Variants in ACSS1 observed in about 807,000 individuals in gnomAD.
ACSS1 encodes the protein acyl-CoA synthetase short chain family member 1.
ACSS1 carries 42 observed loss-of-function variants against 75.3 expected under a neutral mutation model. The observed-to-expected ratio is 0.56, with a 90% confidence interval of 0.44 to 0.72. The LOEUF is 0.72. ACSS1 is among the 30% of genes least tolerant of loss of function. The pLI, the probability that ACSS1 is intolerant of heterozygous loss-of-function variation, is 0.00. For missense variants in ACSS1, 782 were observed against 935.7 expected (o/e 0.84, Z 2.14); for synonymous variants, 380 against 376.8 (o/e 1.01, Z -0.10).
At chr20:25,011,336 C>T (rs1308173009) in intron 12 of ACSS1, 1 of 152,372 alleles carries the variant, frequency 6.6e-6, no homozygotes, top group Non-Finnish European at 1.5e-5. Flanking sequence ...GCTGAATCCC[C>T]AGACACAGTG....
At chr20:25,055,780 C>T (rs925566421) in intron 1 of ACSS1, among the ~76,000 whole-genome samples, 2 of 152,182 alleles carry the variant, frequency 1.3e-5, no homozygotes, top group African/African-American at 4.8e-5. Flanking sequence ...TGGAACAAGC[C>T]ATCTGACTTT....
chr20:25,048,859 G>A (rs915438552), intron 1 of ACSS1, among the ~76,000 whole-genome samples: 3 of 152,208 alleles, frequency 2.0e-5, no homozygotes, highest in African/African-American at 4.8e-5. Context: ...TGAGACTGAG[G>A]ATTAGCAGCA....
In ACSS1 at chr20:25,014,039, C is replaced by T. The variant is rs746946586; in HGVS notation, c.1374G>A (p.Ser458=). The change falls in exon 9 of 14, where the codon TCG becomes TCA. Residue 458 remains serine, a synonymous_variant. Transcript: ENST00000323482. ...TGGICIAPRP[S]EEGAEILPAM... is the part of the protein sequence containing the mutation. Reference sequence around the variant, plus strand: ...CAGGGAGGATTTCCGCCCCTTCTTCCGAGGGCCGTGGTGCGATGCAGATGC... The same window carrying T: ...CAGGGAGGATTTCCGCCCCTTCTTCTGAGGGCCGTGGTGCGATGCAGATGC... The T allele has an allele frequency of 1.2e-5, 20 of 1,612,864 alleles. No individual in the cohort carries two copies. The highest frequency in any genetic ancestry group is 2.2e-5 in the East Asian group (1 of 44,856).
chr20:25,013,513 A>AGGGT, intron 10 of ACSS1, 23 bp downstream of exon 10: 1 of 1,567,868 alleles, frequency 6.4e-7, no homozygotes, highest in East Asian at 2.3e-5. Flanking sequence ...AAGGAATGAG[A>AGGGT]GGGTCCCTGA....
At chr20:25,035,497 C>G (rs1018594704) in intron 2 of ACSS1, among the ~76,000 whole-genome samples, 7 of 152,084 alleles carry the variant, frequency 4.6e-5, no homozygotes, top group Non-Finnish European at 1.0e-4. Flanking sequence ...CCTCCACCTC[C>G]CAGGTTCAAG....
chr20:25,013,101 G>C (rs2088444491), intron 10 of ACSS1, among the ~76,000 whole-genome samples, 162 bp from the exon 11 acceptor site: 1 of 152,202 alleles, frequency 6.6e-6, no homozygotes, highest in Admixed American at 6.5e-5. Context: ...GCATGGGCAG[G>C]TGGCTCCGAG....
intron 7 of ACSS1, among the ~76,000 whole-genome samples, chr20:25,016,376 A>C (rs765331724): frequency 2.0e-5 from 3 of 152,218 alleles, no homozygotes; most frequent in Non-Finnish European, 2.9e-5. Flanking sequence ...TGTACCCTTT[A>C]GTACACATTA....
chr20:25,011,111 G>T (rs2088400188), intron 12 of ACSS1: 1 of 152,208 alleles, frequency 6.6e-6, no homozygotes, highest in Non-Finnish European at 1.5e-5. Flanking sequence ...TAAGAAGCCT[G>T]GCAACACCAG....
At chr20:25,054,498 T>C (rs1404235712) in intron 1 of ACSS1, among the ~76,000 whole-genome samples, 1 of 152,176 alleles carries the variant, frequency 6.6e-6, no homozygotes, top group Non-Finnish European at 1.5e-5. Flanking sequence ...ACAAAACAGG[T>C]GCAAACACTC....
chr20:25,021,265 G>A (rs2088619309), intron 6 of ACSS1, 124 bp downstream of exon 6: 3 of 1,300,368 alleles, frequency 2.3e-6, no homozygotes, highest in East Asian at 5.1e-5. Flanking sequence ...AGCAGGACCT[G>A]GAGAGCCACA....
At chr20:25,015,623 C>T (rs1168673431) in intron 7 of ACSS1, among the ~76,000 whole-genome samples, 1 of 152,184 alleles carries the variant, frequency 6.6e-6, no homozygotes, top group Non-Finnish European at 1.5e-5. Context: ...AAGGAGAAAA[C>T]AGCTCCGTGA....
In ACSS1 at chr20:25,006,257, T is replaced by G. The variant is rs1246920158; in HGVS notation, c.*1505A>C. The stretch of plus-strand genomic sequence containing the variant: ...GAAAATGAACAAAATAAAGCTTTAT[T>G]TGAACTCCCTCCCCTACAGATCATT... On this transcript the variant is annotated 3_prime_UTR_variant, in exon 14 of 14. Coordinates refer to ENST00000323482, the MANE Select transcript of ACSS1 (RefSeq NM_032501.4). 1 of 152,248 alleles carries G rather than the reference T, an allele frequency of 6.6e-6. No homozygotes were observed. The highest frequency in any genetic ancestry group is 1.5e-5 in the Non-Finnish European group (1 of 68,084). The allele number at this position is 152,248 out of a possible 1,614,324, so 9.4% of individuals were successfully genotyped here.
At chr20:25,048,426 C>A (rs146021623) in intron 1 of ACSS1, among the ~76,000 whole-genome samples, 6 of 152,172 alleles carry the variant, frequency 3.9e-5, no homozygotes, top group Non-Finnish European at 5.9e-5. Context: ...CACCAGTGGA[C>A]CCAACCCTGG....
rs760753789 is a variant in ACSS1 at position 25,023,468 on chromosome 20, G to C, written c.805C>G (p.Gln269Glu). The C allele has an allele frequency of 2.5e-6, 4 of 1,614,020 alleles. No individual in the cohort carries two copies. The Admixed American group carries it at 5.0e-5, about 20-fold the overall frequency. Residue 269 changes from glutamine (Q) to glutamate (E), a missense_variant and splice_region_variant, in exon 4 of 14, where the codon CAG (glutamine) becomes GAG (glutamate). Transcript: ENST00000323482. ...CTGTGCAAAGCGAGGTAACCCACCT[G>C]CTCCAGCGGGACGTCCAGATCCCCC... ...HMGDLDVPLE[Q>E]EMAKEDPVCA...
chr20:25,052,962 T>G (rs1312750270), intron 1 of ACSS1, among the ~76,000 whole-genome samples: 2 of 152,168 alleles, frequency 1.3e-5, no homozygotes, highest in Non-Finnish European at 2.9e-5. Flanking sequence ...CTCTTGTTGC[T>G]TATTTAAATA....
chr20:25,058,105 A>G lies in ACSS1; in HGVS notation c.-3T>C, dbSNP rs1295350648. On this transcript the variant is annotated 5_prime_UTR_variant, in exon 1 of 14. Transcript: ENST00000323482. ...CGGCCCAGGGTGCGCGCCGCCATCT[A>G]GGCAGGCTACCTGAGCTCTCTGTGC... The G allele has an allele frequency of 4.3e-5, 54 of 1,245,956 alleles. No individual in the cohort carries two copies. The highest frequency in any genetic ancestry group is 5.3e-5 in the Non-Finnish European group (53 of 997,468). 77.2% of individuals were successfully genotyped at this position (1,245,956 alleles called of 1,614,324 possible).
rs146482121 is a variant in ACSS1 at position 25,029,501 on chromosome 20, G to T, written c.631+1258C>A. 3.4e-4 allele frequency among the ~76,000 whole-genome samples: 52 copies of T among 152,270 alleles called. No individual in the cohort carries two copies. The East Asian group carries it at 9.6e-3, about 28-fold the overall frequency. The stretch of plus-strand genomic sequence containing the variant: ...AAACATGGAATTACCACATGAGTCA[G>T]CAAGCCCACTCATAGGTATATACCC... On this transcript the variant is annotated intron_variant, in intron 3 of 13. Transcript: ENST00000323482.
Position 25,012,609 on chromosome 20 carries a change from T to C in ACSS1, c.1763A>G (p.Lys588Arg), listed in dbSNP as rs766358261. Residue 588 changes from lysine to arginine, a missense_variant, in exon 12 of 14, where the codon AAA becomes AGA. Physicochemically the swap from Lys to Arg is conservative, Grantham distance 26 (BLOSUM62 2). Coordinates refer to ENST00000323482, the MANE Select transcript of ACSS1 (RefSeq NM_032501.4). ...SAVIGYPHDI[K>R]GEAAFAFIVV... is the part of the protein sequence containing the mutation. ...ATCTCCAGGACACTCACCTTCTCCT[T>C]TGATGTCGTGGGGGTAGCCAATGAC... The C allele has an allele frequency of 3.7e-6, 6 of 1,614,150 alleles. No homozygotes were observed. The highest frequency in any genetic ancestry group is 1.1e-5 in the South Asian group (1 of 91,080).
chr20:25,048,017 G>T, intron 2 of ACSS1, 68 bp downstream of exon 2: 1 of 1,443,066 alleles, frequency 6.9e-7, no homozygotes, highest in Non-Finnish European at 9.6e-7. Flanking sequence ...CTCCCTGACA[G>T]CCAGACTCAG....
Sources: gnomAD v4.1 joint callset for allele counts (sites outside exome capture counted in the v4.1 genomes callset) on GRCh38, gnomAD v4.1.1 for gene constraint, MANE v1.5 for transcripts, NCBI Gene and HGNC (gene_info 2026-07-23, HGNC 2026-07-21) for gene names.